ADD3: variants seen among roughly 807,000 people sequenced by gnomAD.
The protein encoded by ADD3 is adducin 3.
A neutral mutation model predicts 80.2 loss-of-function variants in ADD3; 25 were observed. That is an observed-to-expected ratio of 0.31 (90% CI 0.23 to 0.44). ADD3 has a LOEUF of 0.44. Among genes scored for constraint, ADD3 ranks in the 20% least tolerant of loss-of-function variants. ADD3 has a pLI of 1.00. For synonymous variants in ADD3, 284 were observed against 289.6 expected (o/e 0.98, Z 0.20); for missense variants, 829 against 847.5 (o/e 0.98, Z 0.27).
At chr10:110,005,556 G>A (rs1336231533), upstream of ADD3, among the ~76,000 whole-genome samples, 1 of 151,842 alleles carries the variant, frequency 6.6e-6, no homozygotes, top group Non-Finnish European at 1.5e-5. Context: ...CCTTTATATA[G>A]TTATTATTTT....
intron 1 of ADD3, among the ~76,000 whole-genome samples, chr10:110,052,335 C>G (rs905634832): frequency 1.3e-5 from 2 of 152,160 alleles, no homozygotes; most frequent in Non-Finnish European, 2.9e-5. Context: ...ATTCCCTGGG[C>G]CCCGGACCAG....
At chr10:110,004,769 A>G (rs961258301), upstream of ADD3, among the ~76,000 whole-genome samples, 2 of 152,178 alleles carry the variant, frequency 1.3e-5, no homozygotes, top group Admixed American at 6.5e-5. Flanking sequence ...CTTTCTATTC[A>G]TATTTTGAGA....
chr10:110,077,150 T>C (rs1191487097), intron 1 of ADD3: 1 of 152,200 alleles, frequency 6.6e-6, no homozygotes, highest in African/African-American at 2.4e-5. Flanking sequence ...GTAATACTGA[T>C]TGCTCACAGC....
intron 1 of ADD3, 29 bp from the exon 2 acceptor site, chr10:110,100,596 G>A: frequency 7.3e-7 from 1 of 1,367,414 alleles, no homozygotes; most frequent in Non-Finnish European, 9.6e-7. Flanking sequence ...ATTTATCATG[G>A]ATGTCCTTCT....
upstream of ADD3, among the ~76,000 whole-genome samples, chr10:110,001,725 A>C (rs1208466145): frequency 1.3e-5 from 2 of 152,172 alleles, no homozygotes; most frequent in East Asian, 3.9e-4. Context: ...TAAAAGATTT[A>C]ATTCAGTAAA....
At chr10:110,118,158 C>A (rs1298537060) in intron 5 of ADD3, among the ~76,000 whole-genome samples, 1 of 151,994 alleles carries the variant, frequency 6.6e-6, no homozygotes, top group South Asian at 2.1e-4. Flanking sequence ...CATGACTACT[C>A]CTAGCCACTG....
chr10:110,014,427 T>G (rs1852683686), intron 1 of ADD3, among the ~76,000 whole-genome samples: 1 of 152,252 alleles, frequency 6.6e-6, no homozygotes, highest in Admixed American at 6.5e-5. Context: ...GGATTTGCAA[T>G]GAAGTTGATG....
chr10:110,109,157 T>C (rs535839551), intron 2 of ADD3, among the ~76,000 whole-genome samples: 1 of 152,294 alleles, frequency 6.6e-6, no homozygotes, highest in South Asian at 2.1e-4. Flanking sequence ...TCTTTAACTT[T>C]CTCATCCCAC....
intron 1 of ADD3, among the ~76,000 whole-genome samples, chr10:110,085,773 C>T (rs1846649396): frequency 6.6e-6 from 1 of 152,140 alleles, no homozygotes; most frequent in Non-Finnish European, 1.5e-5. Context: ...AATTAGGCTG[C>T]TTGAGAGTGA....
intron 1 of ADD3, among the ~76,000 whole-genome samples, chr10:110,079,463 T>TGA (rs1845804340): frequency 1.6e-5 from 1 of 62,272 alleles, no homozygotes. Flanking sequence ...AGAGAGAGAG[T>TGA]GTGTGTGTGT....
intron 3 of ADD3, among the ~76,000 whole-genome samples, chr10:110,115,080 T>TAAAA (rs752916695): frequency 4.7e-5 from 4 of 84,918 alleles, no homozygotes; most frequent in Non-Finnish European, 7.4e-5. Flanking sequence ...CCCCTGCCTC[T>TAAAA]AAAAAAAAAA....
rs913118478 is a variant in ADD3 at position 110,028,734 on chromosome 10, TAGAA to T, written c.-30+20441_-30+20444del. Among the ~76,000 whole-genome samples the T allele has an allele frequency of 6.6e-5, 10 of 152,322 alleles. No individual in the cohort carries two copies. In the East Asian group the frequency reaches 1.3e-3, roughly 21 times the overall value. ...TCATTCATACTCTGCATTGTTTAAATAGAAAGAAATGAGTTTTGCTAATTTTATT... is the reference window on the plus strand; with the variant it reads ...TCATTCATACTCTGCATTGTTTAAATAGAAATGAGTTTTGCTAATTTTATT... On this transcript the variant is annotated intron_variant, in intron 1 of 14. Coordinates refer to ENST00000356080, the MANE Select transcript of ADD3 (RefSeq NM_016824.5).
At chr10:110,024,680 TACTC>T (rs1194265393) in intron 1 of ADD3, among the ~76,000 whole-genome samples, 1 of 152,230 alleles carries the variant, frequency 6.6e-6, no homozygotes. Flanking sequence ...TAAAATAACT[TACTC>T]AAAAGTAATT....
intron 11 of ADD3, 26 bp from the exon 12 acceptor site, chr10:110,126,391 T>G (rs1210816123): frequency 6.3e-7 from 1 of 1,586,782 alleles, no homozygotes; most frequent in African/African-American, 1.3e-5. Context: ...CTCAAGAACT[T>G]TATATTGAAT....
rs190465546 is a variant in ADD3 at position 110,013,193 on chromosome 10, T to C, written c.-30+4894T>C. Among the ~76,000 whole-genome samples the C allele has an allele frequency of 1.6e-3, 249 of 152,180 alleles. 2 individuals carry two copies. Among genetic ancestry groups the C allele is most frequent in the South Asian group, 0.013 (64 of 4,814 alleles). ...CCTCGGCACACTGCAACCTCTGCCT[T>C]CTGGGTTCAAGCGATTCTTCTGCCT... On this transcript the variant is annotated intron_variant, in intron 1 of 14. Transcript: ENST00000356080.
At chr10:110,041,232 C>G (rs951022590) in intron 1 of ADD3, among the ~76,000 whole-genome samples, 4 of 152,162 alleles carry the variant, frequency 2.6e-5, no homozygotes, top group African/African-American at 9.7e-5. Context: ...CTGTAAATAA[C>G]AGATCTGTGA....
chr10:110,102,845 C>G lies in ADD3; in HGVS notation c.195+1997C>G, dbSNP rs12221276. On this transcript the variant is annotated intron_variant, in intron 2 of 14. Coordinates refer to ENST00000356080, the MANE Select transcript of ADD3 (RefSeq NM_016824.5). Reference sequence around the variant, plus strand: ...TAGTTTGCCCATTAAACTAAAGTTGCATAATGTTAAGTAGATTAATTTTTT... The same window carrying G: ...TAGTTTGCCCATTAAACTAAAGTTGGATAATGTTAAGTAGATTAATTTTTT... 4.7e-4 allele frequency among the ~76,000 whole-genome samples: 72 copies of G among 152,228 alleles called. No homozygotes were observed. The East Asian group carries it at 0.014, about 29-fold the overall frequency.
intron 1 of ADD3, among the ~76,000 whole-genome samples, chr10:110,058,592 A>G (rs1029674897): frequency 6.6e-6 from 1 of 152,196 alleles, no homozygotes; most frequent in Non-Finnish European, 1.5e-5. Flanking sequence ...TGTAAAGGGT[A>G]AGCTGGGAAA....
Position 110,130,406 on chromosome 10 carries a change from C to G in ADD3, c.1652C>G (p.Pro551Arg). 6.2e-7 allele frequency: 1 copy of G among 1,614,104 alleles called. No homozygotes were observed. The highest frequency in any genetic ancestry group is 8.5e-7 in the Non-Finnish European group (1 of 1,179,974). ...EDDDHGPPAPPNPFSHLTEGE... is the reference protein window; with the variant it reads ...EDDDHGPPAPRNPFSHLTEGE... ...GATGATCATGGCCCACCAGCTCCTC[C>G]TAACCCATTTAGTCATCTCACAGAA... The change falls in exon 13 of 15, where the codon CCT (proline) becomes CGT (arginine). Residue 551 changes from proline to arginine, a missense_variant. Physicochemically the swap from Pro to Arg is moderately radical, Grantham distance 103. Transcript: ENST00000356080.
Sources: gnomAD v4.1 joint callset for allele counts (sites outside exome capture counted in the v4.1 genomes callset) on GRCh38, gnomAD v4.1.1 for gene constraint, MANE v1.5 for transcripts, NCBI Gene and HGNC (gene_info 2026-07-23, HGNC 2026-07-21) for gene names.